Variants in SLC9A6 observed in about 807,000 individuals in gnomAD.
SLC9A6 encodes the protein sodium/hydrogen exchanger 6.
Under a neutral mutation model 45.3 loss-of-function variants are expected in SLC9A6, and 6 were observed. The observed-to-expected ratio is 0.13, with a 90% CI of 0.07 to 0.26. SLC9A6 has a LOEUF of 0.26. SLC9A6 is among the 10% of genes least tolerant of loss of function. The probability of loss-of-function intolerance (pLI) is 1.00; values close to 1 mark genes in which losing one functional copy is unlikely to be tolerated. For synonymous variants in SLC9A6, 191 were observed against 187.7 expected, an observed-to-expected ratio of 1.02 and a Z score of -0.14; for missense variants, 278 against 503.7, an observed-to-expected ratio of 0.55 and a Z score of 4.29.
chrX:136,032,124 G>A (rs2071334971), intron 15 of SLC9A6, among the ~76,000 whole-genome samples: 1 of 112,067 alleles, frequency 8.9e-6, no homozygotes, highest in Admixed American at 9.4e-5. Context: ...CTAGAGTGCA[G>A]TGGCACGATC....
rs782802429 is a variant in SLC9A6 at position 135,995,823 on chromosome X, T to C, written c.369+838T>C. Among the ~76,000 whole-genome samples the C allele has an allele frequency of 5.4e-5, 6 of 110,737 alleles. No homozygotes were observed. In the East Asian group the frequency reaches 1.7e-3, roughly 31 times the overall value. On this transcript the variant is annotated intron_variant, in intron 3 of 17. Transcript: ENST00000630721. ...CTGAGTTATTGTACCATATTGTGCA[T>C]AAAGCTTTATGTTAGAGTTTGAGTT...
chrX:136,034,117 A>G (rs2071374321), intron 16 of SLC9A6, among the ~76,000 whole-genome samples: 1 of 108,237 alleles, frequency 9.2e-6, no homozygotes, highest in Non-Finnish European at 1.9e-5. Flanking sequence ...GGGATCCCCA[A>G]CTCCCGGGCC....
intron 16 of SLC9A6, among the ~76,000 whole-genome samples, chrX:136,035,753 T>G (rs895567366): frequency 1.8e-5 from 2 of 110,077 alleles, no homozygotes; most frequent in Non-Finnish European, 3.8e-5. Context: ...TGTTTGTTTG[T>G]TTGTTTGTTT....
chrX:135,976,153 A>G (rs782116213), intron 1 of SLC9A6, among the ~76,000 whole-genome samples: 1 of 111,103 alleles, frequency 9.0e-6, no homozygotes, highest in South Asian at 3.8e-4. Flanking sequence ...ATTTTACACA[A>G]TACTTGATGG....
intron 7 of SLC9A6, among the ~76,000 whole-genome samples, chrX:136,002,988 CTTT>C (rs781846085): frequency 9.9e-6 from 1 of 101,075 alleles, no homozygotes. Context: ...TTGTAGATAA[CTTT>C]TTTTTTTTTT....
chrX:135,989,503 A>G (rs891039513), intron 2 of SLC9A6, among the ~76,000 whole-genome samples: 3 of 112,407 alleles, frequency 2.7e-5, no homozygotes, highest in Admixed American at 9.5e-5. Flanking sequence ...TTAGATGTCT[A>G]TGATGTATGG....
At chrX:136,025,316 G>A (rs969989492) in intron 13 of SLC9A6, among the ~76,000 whole-genome samples, 3 of 112,687 alleles carry the variant, frequency 2.7e-5, no homozygotes, top group Non-Finnish European at 3.7e-5. Context: ...TAAAGCCTTT[G>A]TAGATTTGAG....
chrX:136,013,291 C>T, intron 9 of SLC9A6, 58 bp from the exon 10 acceptor site: 1 of 905,741 alleles, frequency 1.1e-6, no homozygotes, highest in Non-Finnish European at 1.6e-6. Flanking sequence ...GAAAGAACCT[C>T]AGTATAAAAG....
chrX:136,036,244 T>A (rs2071411432), intron 16 of SLC9A6, among the ~76,000 whole-genome samples: 2 of 111,779 alleles, frequency 1.8e-5, no homozygotes, highest in South Asian at 3.7e-4. Flanking sequence ...TCTCATATGG[T>A]TTAATTTGCA....
intron 17 of SLC9A6, among the ~76,000 whole-genome samples, chrX:136,041,059 T>C (rs1322780565): frequency 9.1e-6 from 1 of 110,048 alleles, no homozygotes; most frequent in Non-Finnish European, 1.9e-5. Context: ...AGGTGGAGGT[T>C]GTGAGCAGAG....
chrX:135,984,210 T>C (rs782380380), upstream of SLC9A6, among the ~76,000 whole-genome samples: 7 of 111,740 alleles, frequency 6.3e-5, no homozygotes, highest in South Asian at 2.6e-3. Flanking sequence ...AAGAACCATT[T>C]GAGAATCATG....
Position 136,016,647 on chromosome X carries a change from G to A in SLC9A6, c.1083G>A (p.Leu361=), listed in dbSNP as rs151178361. 222 of 1,116,837 alleles carry A rather than the reference G, an allele frequency of 2.0e-4. No homozygotes were observed. Among genetic ancestry groups the A allele is most frequent in the Admixed American group, 2.6e-4 (12 of 45,584 alleles). The allele number at this position is 1,116,837 out of a possible 1,213,427, so 92.0% of individuals were successfully genotyped here. A position where few individuals can be genotyped will look rare whatever the true frequency, so the allele number is the denominator to read the frequency against. The stretch of plus-strand genomic sequence containing the variant: ...AATCTTTTACAATTTCGTTTCAGTT[G>A]TTTGAGCTTCTCAATTTCTTGGCAG... The part of the protein sequence containing the change: ...STESQHRTKQ[L]FELLNFLAEN... The change falls in exon 11 of 18, where the codon TTG becomes TTA. Residue 361 remains leucine (L), a splice_region_variant and synonymous_variant. Coordinates refer to ENST00000630721, the MANE Select transcript of SLC9A6 (RefSeq NM_001379110.1).
At position 135,994,829 on chromosome X, in the gene SLC9A6, G is replaced by A. The variant is rs782600941; in HGVS notation, c.213G>A (p.Pro71=). The A allele has an allele frequency of 8.3e-6, 10 of 1,211,363 alleles. No individual in the cohort carries two copies. The highest frequency in any genetic ancestry group is 3.5e-5 in the South Asian group (2 of 56,991). ...TGCTTCGGTATGGCATTCATGTTCC[G>A]AGTGATGTAAATAATGTGACCCTGA... ...GLVLRYGIHV[P]SDVNNVTLSC... The change falls in exon 3 of 18, where the codon CCG becomes CCA. Residue 71 remains proline, a synonymous_variant. Transcript: ENST00000630721.
At chrX:136,042,427 C>T (rs2071529474) in intron 17 of SLC9A6, among the ~76,000 whole-genome samples, 1 of 111,782 alleles carries the variant, frequency 8.9e-6, no homozygotes, top group Non-Finnish European at 1.9e-5. Context: ...ATCCACTCAC[C>T]TTGGCCTCCC....
chrX:136,005,407 G>A (rs1014785068), intron 7 of SLC9A6, among the ~76,000 whole-genome samples: 2 of 112,537 alleles, frequency 1.8e-5, no homozygotes, highest in East Asian at 2.8e-4. Context: ...CCGGCTGGGC[G>A]CAGTGGCTCA....
chrX:136,019,974 C>A (rs2071091555), intron 11 of SLC9A6, among the ~76,000 whole-genome samples: 1 of 112,104 alleles, frequency 8.9e-6, no homozygotes, highest in Non-Finnish European at 1.9e-5. Flanking sequence ...GAATGTCCTG[C>A]AGTTGGAACT....
At chrX:136,039,954 G>C (rs1202387931) in intron 16 of SLC9A6, 122 bp from the exon 17 acceptor site, 1 of 548,094 alleles carries the variant, frequency 1.8e-6, no homozygotes, top group Non-Finnish European at 3.2e-6. Context: ...TGAGACCATA[G>C]ATGTGAAAGC....
At chrX:135,980,555 ATATT>A (rs1474055754), upstream of SLC9A6, among the ~76,000 whole-genome samples, 3 of 110,562 alleles carry the variant, frequency 2.7e-5, no homozygotes, top group Admixed American at 9.7e-5. Context: ...AATTTAAGAG[ATATT>A]TATTTATTAT....
At chrX:136,027,976 C>T (rs73226740) in intron 13 of SLC9A6, among the ~76,000 whole-genome samples, 1 of 112,253 alleles carries the variant, frequency 8.9e-6, no homozygotes, top group Non-Finnish European at 1.9e-5. Flanking sequence ...GTCTCTGAGC[C>T]TTTGCTCATA....
Sources: allele counts gnomAD v4.1 joint callset (sites outside exome capture counted in the v4.1 genomes callset), GRCh38; gene constraint gnomAD v4.1.1; transcripts MANE v1.5; gene names NCBI Gene and HGNC (gene_info 2026-07-23, HGNC 2026-07-21).